TRAPPC10: variants seen among roughly 807,000 people sequenced by gnomAD.
The protein encoded by TRAPPC10 is trafficking protein particle complex subunit 10, also known as TRAPP 130 kDa subunit.
Under a neutral mutation model 125.5 loss-of-function variants are expected in TRAPPC10, and 23 were observed. The ratio of observed to expected loss-of-function variants is 0.18; its 90% CI spans 0.13 to 0.26. The LOEUF (loss-of-function observed/expected upper bound fraction) is 0.26. Ranked by LOEUF, TRAPPC10 falls within the 10% of genes least tolerant of loss-of-function variation. The pLI, the probability that TRAPPC10 is intolerant of heterozygous loss-of-function variation, is 1.00. For synonymous variants in TRAPPC10, 509 were observed against 518.0 expected (o/e 0.98, Z 0.24); for missense variants, 1,123 against 1,308.4 (o/e 0.86, Z 2.19).
chr21:44,052,198 C>A, intron 3 of TRAPPC10, 82 bp from the exon 4 acceptor site: 1 of 1,217,356 alleles, frequency 8.2e-7, no homozygotes, highest in Non-Finnish European at 1.1e-6. Context: ...GCGGCCTTTG[C>A]AGGCTGTTAT....
intron 10 of TRAPPC10, among the ~76,000 whole-genome samples, chr21:44,077,315 A>G (rs962486523): frequency 1.3e-5 from 2 of 152,240 alleles, no homozygotes; most frequent in African/African-American, 4.8e-5. Context: ...CGGGCTGGGC[A>G]TGGTGGCTCA....
At chr21:44,056,210 G>A (rs1050220101) in intron 5 of TRAPPC10, among the ~76,000 whole-genome samples, 11 of 152,090 alleles carry the variant, frequency 7.2e-5, no homozygotes, top group Non-Finnish European at 1.2e-4. Context: ...AGTCTGTATC[G>A]ATAGAAATCA....
At chr21:44,095,091 C>G (rs1390109788) in intron 20 of TRAPPC10, among the ~76,000 whole-genome samples, 1 of 150,276 alleles carries the variant, frequency 6.7e-6, no homozygotes, top group Non-Finnish European at 1.5e-5. Flanking sequence ...ACTCTGTTGC[C>G]CAGGCTGGAG....
chr21:44,047,990 A>G (rs1430940047), intron 3 of TRAPPC10, among the ~76,000 whole-genome samples: 1 of 152,208 alleles, frequency 6.6e-6, no homozygotes, highest in African/African-American at 2.4e-5. Flanking sequence ...AGTCCAGGAC[A>G]AATTATTCCT....
At chr21:44,076,690 A>G in intron 10 of TRAPPC10, 62 bp downstream of exon 10, 3 of 1,425,126 alleles carry the variant, frequency 2.1e-6, no homozygotes, top group Non-Finnish European at 3.0e-6. Flanking sequence ...AGGCTTTGCT[A>G]CATGGCCTGT....
intron 4 of TRAPPC10, among the ~76,000 whole-genome samples, chr21:44,055,262 TTTC>T (rs1465845454): frequency 3.3e-5 from 5 of 152,122 alleles, no homozygotes; most frequent in Admixed American, 6.5e-5. Flanking sequence ...CCTAACCTGG[TTTC>T]TTACCGCCTG....
rs2038196883 is a variant in TRAPPC10, at chr21:44,087,203, TGGGGGTCACGGC to T, written c.2539+244_2539+255del. On this transcript the variant is annotated intron_variant, in intron 16 of 22. Transcript: ENST00000291574. This position sits in a 1 kb window ranked among gnomAD's most constrained non-coding sequence, Gnocchi z 4.6. Reference sequence around the variant, plus strand: ...GCTTGTCTGGCTGAGGATTAGGAGATGGGGGTCACGGCTGGGGTCACGTTCCATGGTGATGCC... The same window carrying T: ...GCTTGTCTGGCTGAGGATTAGGAGATTGGGGTCACGTTCCATGGTGATGCC... 6.6e-6 allele frequency among the ~76,000 whole-genome samples: 1 copy of T among 152,166 alleles called. No homozygotes were observed. The highest frequency in any genetic ancestry group is 6.5e-5 in the Admixed American group (1 of 15,284).
chr21:44,052,761 T>C (rs2035309982), intron 4 of TRAPPC10, among the ~76,000 whole-genome samples: 1 of 152,080 alleles, frequency 6.6e-6, no homozygotes, highest in Admixed American at 6.5e-5. Flanking sequence ...CAGCAGCTCC[T>C]GCAGTTCTTC....
In TRAPPC10 at chr21:44,087,634, TGTAA is replaced by T; in HGVS notation, c.2540-63_2540-60del. 6.9e-7 allele frequency: 1 copy of T among 1,455,386 alleles called. No homozygotes were observed. Among genetic ancestry groups the T allele is most frequent in the Non-Finnish European group, 9.5e-7 (1 of 1,048,764 alleles). 90.2% of individuals were successfully genotyped at this position (1,455,386 alleles called of 1,614,324 possible). ...GCCTCACTGCTGGGCCATCACCTGC[TGTAA>T]GGAAAAGGACAAGTGAAACCGAGGG... On this transcript the variant is annotated intron_variant, in intron 16 of 22. Transcript: ENST00000291574. The surrounding 1 kb of genome is among the most constrained non-coding windows in gnomAD (Gnocchi z 4.6).
intron 13 of TRAPPC10, among the ~76,000 whole-genome samples, chr21:44,081,198 T>C (rs1426491807): frequency 1.3e-5 from 2 of 151,822 alleles, no homozygotes; most frequent in African/African-American, 2.4e-5. Flanking sequence ...TTCTTCTCTG[T>C]CTCCCAGGTT....
chr21:44,075,961 A>T (rs2037248602), intron 9 of TRAPPC10, among the ~76,000 whole-genome samples: 3 of 152,136 alleles, frequency 2.0e-5, no homozygotes, highest in Admixed American at 2.0e-4. Context: ...AGGCAGGAGA[A>T]TCGCTTGAAC....
intron 1 of TRAPPC10, among the ~76,000 whole-genome samples, chr21:44,012,892 C>T (rs2031313891): frequency 6.6e-6 from 1 of 151,962 alleles, no homozygotes; most frequent in Non-Finnish European, 1.5e-5. Flanking sequence ...GTCCCGCCCC[C>T]GTTGAGCCGC....
chr21:44,087,915 C>T lies in TRAPPC10; in HGVS notation c.2756C>T (p.Thr919Ile). ...DKQRTGRCMV[T>I]TDHKVSIDCP... ...CAGAGAACTGGCCGCTGCATGGTTACCACAGACCACAAAGTGAGTAGGGAC... is the reference window on the plus strand; with the variant it reads ...CAGAGAACTGGCCGCTGCATGGTTATCACAGACCACAAAGTGAGTAGGGAC... Residue 919 changes from threonine (T) to isoleucine (I), a missense_variant, in exon 17 of 23, where the codon ACC (threonine) becomes ATC (isoleucine). Coordinates refer to ENST00000291574, the MANE Select transcript of TRAPPC10 (RefSeq NM_003274.5). The surrounding 1 kb of genome is among the most constrained non-coding windows in gnomAD (Gnocchi z 4.6). The T allele has an allele frequency of 6.2e-7, 1 of 1,613,386 alleles. No individual in the cohort carries two copies. Among genetic ancestry groups the T allele is most frequent in the Non-Finnish European group, 8.5e-7 (1 of 1,179,744 alleles).
intron 2 of TRAPPC10, among the ~76,000 whole-genome samples, chr21:44,036,790 A>G (rs117715702): frequency 2.0e-5 from 3 of 152,274 alleles, no homozygotes; most frequent in East Asian, 1.9e-4. Flanking sequence ...AAAATTTCAG[A>G]TGTGTGTGAA....
chr21:44,063,545 C>T lies in TRAPPC10; in HGVS notation c.798C>T (p.Ala266=). Residue 266 remains alanine (A), a synonymous_variant, in exon 7 of 23, where the codon GCC becomes GCT. Coordinates refer to ENST00000291574, the MANE Select transcript of TRAPPC10 (RefSeq NM_003274.5). This position sits in a 1 kb window ranked among gnomAD's most constrained non-coding sequence, Gnocchi z 4.4. ...TGATGTGTGTTTGTTTAGATGGTGC[C>T]AACTGGCTGACTTTTTTCTGCCAGC... ...YVVNFGAGDG[A]NWLTFFCQPV... 1 of 1,614,114 alleles carries T rather than the reference C, an allele frequency of 6.2e-7. No individual in the cohort carries two copies. Among genetic ancestry groups the T allele is most frequent in the Non-Finnish European group, 8.5e-7 (1 of 1,179,990 alleles).
intron 19 of TRAPPC10, among the ~76,000 whole-genome samples, chr21:44,093,671 T>C (rs765633986): frequency 4.0e-5 from 6 of 150,850 alleles, no homozygotes; most frequent in Non-Finnish European, 7.4e-5. Context: ...TGCGGAAGAA[T>C]CACTTGAACC....
chr21:44,065,597 G>A (rs900198993), intron 7 of TRAPPC10, among the ~76,000 whole-genome samples: 1 of 152,210 alleles, frequency 6.6e-6, no homozygotes, highest in Non-Finnish European at 1.5e-5. Context: ...CTCACAGTCT[G>A]TCAGTCTCTT....
intron 6 of TRAPPC10, among the ~76,000 whole-genome samples, chr21:44,062,294 A>G (rs1016287973): frequency 1.3e-5 from 2 of 152,242 alleles, no homozygotes; most frequent in African/African-American, 4.8e-5. Flanking sequence ...TGTTCTAAAT[A>G]CAGGGAGGAA....
intron 1 of TRAPPC10, among the ~76,000 whole-genome samples, chr21:44,018,686 C>A (rs1277131550): frequency 6.8e-6 from 1 of 147,232 alleles, no homozygotes. Context: ...CGTGAGACTC[C>A]GTCTCAAAAA....
Sources: gnomAD v4.1 joint callset for allele counts (sites outside exome capture counted in the v4.1 genomes callset) on GRCh38, gnomAD v4.1.1 for gene constraint, Gnocchi (gnomAD v3.1) non-coding constraint, MANE v1.5 for transcripts, NCBI Gene and HGNC (gene_info 2026-07-23, HGNC 2026-07-21) for gene names.